The following DCHS2 variants were observed in gnomAD, a reference collection of about 807,000 sequenced individuals.
The protein encoded by DCHS2 is protocadherin-23.
Under a neutral mutation model 182.4 loss-of-function variants are expected in DCHS2, and 142 were observed. The ratio of observed to expected loss-of-function variants is 0.78; its 90% CI spans 0.68 to 0.89. The LOEUF is 0.89. DCHS2 is among the 40% of genes least tolerant of loss of function. DCHS2 has a pLI of 0.00. For missense variants in DCHS2, 4,319 were observed against 4,198.6 expected, an observed-to-expected ratio of 1.03 and a Z score of -0.79; for synonymous variants, 1,740 against 1,663.3, an observed-to-expected ratio of 1.05 and a Z score of -1.12.
At chr4:154,407,925 A>G (rs1732466386) in intron 1 of DCHS2, among the ~76,000 whole-genome samples, 1 of 151,924 alleles carries the variant, frequency 6.6e-6, no homozygotes, top group South Asian at 2.1e-4. Flanking sequence ...TCATCTCCTT[A>G]CAAATGCAAA....
rs183735279 is a variant in DCHS2, at chr4:154,469,445, T to G, written c.2052+19859A>C. Among the ~76,000 whole-genome samples the G allele has an allele frequency of 3.1e-3, 473 of 152,318 alleles. 1 individual carries two copies. Among genetic ancestry groups the G allele is most frequent in the Non-Finnish European group, 5.4e-3 (364 of 68,022 alleles). On this transcript the variant is annotated intron_variant, in intron 1 of 19. Transcript: ENST00000357232. The stretch of plus-strand genomic sequence containing the variant: ...TTCAGATTTTCCCCATATTAAGACC[T>G]GAAAGGAATTTCTCTACTGTATTCT...
At position 154,236,139 on chromosome 4, in the gene DCHS2, T is replaced by C. The variant is rs1461706139; in HGVS notation, c.8513A>G (p.Gln2838Arg). 6.2e-7 allele frequency: 1 copy of C among 1,613,780 alleles called. No individual in the cohort carries two copies. The highest frequency in any genetic ancestry group is 1.1e-5 in the South Asian group (1 of 91,078). ...DPLTGDIHAK[Q>R]ILDYENGNKY... ...ATTGCCATTTTCATAGTCAAGGATT[T>C]GCTTAGCATGAATATCCCCTGTCAA... Residue 2838 changes from glutamine (Q) to arginine (R), a missense_variant, in exon 20 of 20, where the codon CAA becomes CGA. Coordinates refer to ENST00000357232, the MANE Select transcript of DCHS2 (RefSeq NM_001358235.2).
At chr4:154,294,333 A>G (rs935720257) in intron 13 of DCHS2, among the ~76,000 whole-genome samples, 2 of 152,248 alleles carry the variant, frequency 1.3e-5, no homozygotes, top group Non-Finnish European at 2.9e-5. Context: ...TGTGAGGGGT[A>G]TCCTCAGGAA....
chr4:154,468,157 C>T (rs1449597691), intron 1 of DCHS2, among the ~76,000 whole-genome samples: 1 of 152,052 alleles, frequency 6.6e-6, no homozygotes, highest in Non-Finnish European at 1.5e-5. Flanking sequence ...ACATTCTTAC[C>T]CAATGACTAG....
At chr4:154,312,014 T>G (rs1237619712) in intron 10 of DCHS2, among the ~76,000 whole-genome samples, 1 of 151,850 alleles carries the variant, frequency 6.6e-6, no homozygotes, top group Non-Finnish European at 1.5e-5. Context: ...TTTTAATATA[T>G]ATATAGAGAA....
Position 154,305,128 on chromosome 4 carries a change from G to C in DCHS2, c.5364C>G (p.Asp1788Glu). The C allele has an allele frequency of 1.2e-6, 2 of 1,611,802 alleles. No individual in the cohort carries two copies. Among genetic ancestry groups the C allele is most frequent in the Middle Eastern group, 1.7e-4 (1 of 6,056 alleles). Residue 1788 changes from aspartate to glutamate, a missense_variant, in exon 11 of 20, where the codon GAC (aspartate) becomes GAG (glutamate). By Grantham distance (45) the Asp-to-Glu change is conservative. Transcript: ENST00000357232. ...TGEVVTTTILDREIQEVFTLR... is the reference protein window; with the variant it reads ...TGEVVTTTILEREIQEVFTLR... ...GGGTGAAGACTTCTTGAATTTCTCT[G>C]TCAAGTATGGTGGTTGTCACTACCT...
intron 3 of DCHS2, among the ~76,000 whole-genome samples, chr4:154,362,815 T>G (rs995767595): frequency 6.6e-6 from 1 of 152,128 alleles, no homozygotes; most frequent in Admixed American, 6.5e-5. Context: ...GAATAGTAAA[T>G]ATATTTTCTC....
In DCHS2 at chr4:154,491,792, G is replaced by A. The variant is rs367816551; in HGVS notation, c.-437C>T. The A allele has an allele frequency of 9.1e-6, 9 of 990,396 alleles. No homozygotes were observed. Among genetic ancestry groups the A allele is most frequent in the East Asian group, 1.1e-4 (1 of 8,920 alleles). 61.4% of individuals were successfully genotyped at this position (990,396 alleles called of 1,614,324 possible). A position where few individuals can be genotyped will look rare whatever the true frequency, so the allele number is the denominator to read the frequency against. On this transcript the variant is annotated 5_prime_UTR_variant, in exon 1 of 20. Transcript: ENST00000357232. Reference sequence around the variant, plus strand: ...GGATGGGGATCTGGCCGGAGTAGGGGGTGGAGTAAGGGCGTGGAGGCAGGG... The same window carrying A: ...GGATGGGGATCTGGCCGGAGTAGGGAGTGGAGTAAGGGCGTGGAGGCAGGG...
rs2111069102 is a variant in DCHS2, at chr4:154,232,737, T to A, written c.*1799A>T. On this transcript the variant is annotated 3_prime_UTR_variant, in exon 20 of 20. Coordinates refer to ENST00000357232, the MANE Select transcript of DCHS2 (RefSeq NM_001358235.2). ...TAAATGATTAAATATGTGTGGGTTTTTTTTTTACATAAGTCATGAAATCTT... is the reference window on the plus strand; with the variant it reads ...TAAATGATTAAATATGTGTGGGTTTATTTTTTACATAAGTCATGAAATCTT... 6.6e-6 allele frequency: 1 copy of A among 152,126 alleles called. No homozygotes were observed. Among genetic ancestry groups the A allele is most frequent in the East Asian group, 1.9e-4 (1 of 5,186 alleles). 9.4% of individuals were successfully genotyped at this position (152,126 alleles called of 1,614,324 possible).
intron 1 of DCHS2, among the ~76,000 whole-genome samples, chr4:154,438,868 A>G (rs1424073032): frequency 3.9e-5 from 6 of 152,202 alleles, no homozygotes; most frequent in African/African-American, 1.4e-4. Flanking sequence ...CTGGTCATTA[A>G]TCCTACAAAC....
chr4:154,291,578 T>C (rs1485167246), intron 13 of DCHS2, among the ~76,000 whole-genome samples: 1 of 151,966 alleles, frequency 6.6e-6, no homozygotes, highest in Non-Finnish European at 1.5e-5. Flanking sequence ...ATAAAGAAAA[T>C]GTGGTACATA....
chr4:154,400,883 G>C (rs1732146684), intron 1 of DCHS2, among the ~76,000 whole-genome samples: 1 of 152,130 alleles, frequency 6.6e-6, no homozygotes, highest in African/African-American at 2.4e-5. Flanking sequence ...AGAAAATTAA[G>C]AAGTCCACTC....
At chr4:154,240,138 C>G (rs533300254) in intron 18 of DCHS2, among the ~76,000 whole-genome samples, 4 of 151,892 alleles carry the variant, frequency 2.6e-5, no homozygotes, top group Non-Finnish European at 5.9e-5. Context: ...TAGTTTTGTT[C>G]GTGATTTTTT....
At position 154,366,316 on chromosome 4, in the gene DCHS2, G is replaced by A. The variant is rs781632800; in HGVS notation, c.2370C>T (p.Ile790=). The A allele has an allele frequency of 3.1e-6, 5 of 1,613,840 alleles. No homozygotes were observed. Among genetic ancestry groups the A allele is most frequent in the Non-Finnish European group, 4.2e-6 (5 of 1,179,902 alleles). The change falls in exon 3 of 20, where the codon ATC becomes ATT. Residue 790 remains isoleucine (I), a synonymous_variant. Transcript: ENST00000357232. ...CCTGGTCAGTGGCAAGAACATTGATGATCTCGGTGCCTGGCTGGGTCTCAT... is the reference window on the plus strand; with the variant it reads ...CCTGGTCAGTGGCAAGAACATTGATAATCTCGGTGCCTGGCTGGGTCTCAT... ...ISDETQPGTE[I]INVLATDQDS...
In DCHS2 at chr4:154,236,427, G is replaced by T. The variant is rs777791628; in HGVS notation, c.8225C>A (p.Ala2742Asp). ...KMTKFTLTVQ[A>D]SDAEKKHFSF... ...AAAATGTTTCTTTTCTGCATCTGAA[G>T]CTTGGACAGTTAAGGTGAATTTTGT... Residue 2742 changes from alanine to aspartate, a missense_variant, in exon 20 of 20, where the codon GCT becomes GAT. Transcript: ENST00000357232. 7 of 1,614,056 alleles carry T rather than the reference G, an allele frequency of 4.3e-6. 1 individual carries two copies. The Middle Eastern group carries it at 9.9e-4, about 228-fold the overall frequency.
chr4:154,285,322 A>G (rs1038400573), intron 13 of DCHS2, among the ~76,000 whole-genome samples: 1 of 151,892 alleles, frequency 6.6e-6, no homozygotes, highest in Non-Finnish European at 1.5e-5. Flanking sequence ...GGCTATGGGG[A>G]GAGACCCTTT....
intron 1 of DCHS2, among the ~76,000 whole-genome samples, chr4:154,435,752 C>T (rs1294979164): frequency 6.6e-6 from 1 of 152,066 alleles, no homozygotes; most frequent in Non-Finnish European, 1.5e-5. Context: ...AAAATTAAAA[C>T]CAATAAACTA....
intron 1 of DCHS2, among the ~76,000 whole-genome samples, chr4:154,473,744 C>A (rs1735573009): frequency 6.6e-6 from 1 of 152,108 alleles, no homozygotes; most frequent in African/African-American, 2.4e-5. Flanking sequence ...CAGAGAGATA[C>A]GGCCCCTCCC....
chr4:154,367,782 G>A (rs1173787440), intron 2 of DCHS2, among the ~76,000 whole-genome samples: 7 of 152,072 alleles, frequency 4.6e-5, no homozygotes, highest in Admixed American at 1.3e-4. Context: ...AAATGACAAG[G>A]AGGAAGAAGA....
Sources: allele counts gnomAD v4.1 joint callset (sites outside exome capture counted in the v4.1 genomes callset), GRCh38; gene constraint gnomAD v4.1.1; transcripts MANE v1.5; gene names NCBI Gene and HGNC (gene_info 2026-07-23, HGNC 2026-07-21).